Variants in GPHN observed in about 807,000 individuals in gnomAD.
GPHN encodes the protein gephyrin.
Under a neutral mutation model 95.5 loss-of-function variants are expected in GPHN, and 17 were observed. The ratio of observed to expected loss-of-function variants is 0.18; its 90% CI spans 0.12 to 0.27. The LOEUF (loss-of-function observed/expected upper bound fraction) is 0.27, where lower values mean the gene tolerates loss of function less well. GPHN is among the 10% of genes least tolerant of loss of function. The pLI is 1.00. For missense variants in GPHN, 660 were observed against 978.1 expected (o/e 0.67, Z 4.34); for synonymous variants, 320 against 322.5 (o/e 0.99, Z 0.08).
At chr14:67,486,348 C>T in the GPHN span, among the ~76,000 whole-genome samples, 1 of 152,240 alleles carries the variant, frequency 6.6e-6, no homozygotes, top group Non-Finnish European at 1.5e-5. Context: ...GATCTTGGCT[C>T]ACTGCAACCT....
chr14:67,073,574 A>G (rs1567294366), intron 11 of GPHN, among the ~76,000 whole-genome samples: 2 of 152,168 alleles, frequency 1.3e-5, no homozygotes, highest in African/African-American at 4.8e-5. Context: ...TATATGTAAC[A>G]CAGATGGAAG....
At chr14:67,631,652 T>C in the GPHN span, among the ~76,000 whole-genome samples, 1 of 152,038 alleles carries the variant, frequency 6.6e-6, no homozygotes, top group Non-Finnish European at 1.5e-5. Context: ...GGCTGGTGTT[T>C]AACTCCTGGC....
intron 5 of GPHN, among the ~76,000 whole-genome samples, chr14:66,914,241 G>A (rs2065805737): frequency 6.6e-6 from 1 of 152,092 alleles, no homozygotes; most frequent in Non-Finnish European, 1.5e-5. Flanking sequence ...GACATAAAAA[G>A]CCTGGATTTG....
intron 2 of GPHN, among the ~76,000 whole-genome samples, chr14:66,730,487 TA>T (rs1189611892): frequency 1.3e-5 from 2 of 152,332 alleles, no homozygotes; most frequent in Admixed American, 6.5e-5. Flanking sequence ...AAAGTTCTCA[TA>T]TTTTTTTTAC....
At chr14:66,820,313 A>G (rs982357491) in intron 3 of GPHN, among the ~76,000 whole-genome samples, 9 of 152,204 alleles carry the variant, frequency 5.9e-5, no homozygotes, top group Non-Finnish European at 1.2e-4. Context: ...CCCAGACTGT[A>G]TCAGATCTGG....
At chr14:66,975,076 T>C (rs555920572) in intron 9 of GPHN, among the ~76,000 whole-genome samples, 9 of 152,326 alleles carry the variant, frequency 5.9e-5, no homozygotes, top group Non-Finnish European at 1.3e-4. Context: ...GCTTACTTAG[T>C]AATATGAGCA....
At chr14:67,395,561 T>C in the GPHN span, 1 of 1,614,108 alleles carries the variant, frequency 6.2e-7, no homozygotes, top group South Asian at 1.1e-5. Context: ...CGTGGATGTT[T>C]GAGTCTTCAG....
At chr14:66,715,318 G>C (rs1177051732) in intron 2 of GPHN, among the ~76,000 whole-genome samples, 1 of 152,090 alleles carries the variant, frequency 6.6e-6, no homozygotes, top group Non-Finnish European at 1.5e-5. Context: ...GGTGTCAGTT[G>C]TAGTATCTCC....
chr14:67,196,281 G>A, the GPHN span, among the ~76,000 whole-genome samples: 1 of 150,668 alleles, frequency 6.6e-6, no homozygotes, highest in Non-Finnish European at 1.5e-5. Flanking sequence ...CATTGGCACA[G>A]TCTTGGCTCA....
chr14:67,362,842 G>A, the GPHN span, among the ~76,000 whole-genome samples: 1 of 152,046 alleles, frequency 6.6e-6, no homozygotes, highest in Non-Finnish European at 1.5e-5. Flanking sequence ...GATTCTTTTT[G>A]TACTTAACTA....
the GPHN span, among the ~76,000 whole-genome samples, chr14:67,489,476 C>T: frequency 2.6e-5 from 4 of 152,334 alleles, no homozygotes; most frequent in East Asian, 1.9e-4. Context: ...ATGCCTGAGA[C>T]GCTGCTGGGA....
chr14:67,664,516 A>C, the GPHN span, among the ~76,000 whole-genome samples: 1 of 145,328 alleles, frequency 6.9e-6, no homozygotes, highest in Admixed American at 6.9e-5. Flanking sequence ...TTTTTTCTTG[A>C]GACAGAGTCT....
At chr14:67,161,666 C>T (rs1028453714) in intron 19 of GPHN, among the ~76,000 whole-genome samples, 1 of 151,772 alleles carries the variant, frequency 6.6e-6, no homozygotes, top group Non-Finnish European at 1.5e-5. Flanking sequence ...GAGGCTAAGG[C>T]GAGAGGATCA....
chr14:66,899,720 T>C (rs996209001), intron 5 of GPHN, among the ~76,000 whole-genome samples: 4 of 151,882 alleles, frequency 2.6e-5, no homozygotes, highest in Non-Finnish European at 5.9e-5. Flanking sequence ...TACTGGTCTA[T>C]ATTTTTCTTT....
At chr14:66,940,953 G>C (rs1314141145) in intron 8 of GPHN, among the ~76,000 whole-genome samples, 7 of 152,174 alleles carry the variant, frequency 4.6e-5, no homozygotes, top group African/African-American at 1.7e-4. Context: ...TGGGTGCATG[G>C]TGCTTGGCTT....
At chr14:67,488,612 C>T in the GPHN span, 1 of 152,364 alleles carries the variant, frequency 6.6e-6, no homozygotes, top group African/African-American at 2.4e-5. Context: ...CTCTGGGACT[C>T]TCTCTCCACC....
the GPHN span, among the ~76,000 whole-genome samples, chr14:67,464,354 G>A: frequency 6.6e-6 from 1 of 152,032 alleles, no homozygotes; most frequent in East Asian, 1.9e-4. Context: ...TCCTGGAAGG[G>A]GCTGGGTGAG....
chr14:66,999,668 C>T (rs1404245729), intron 9 of GPHN, among the ~76,000 whole-genome samples: 1 of 151,584 alleles, frequency 6.6e-6, no homozygotes, highest in Non-Finnish European at 1.5e-5. Flanking sequence ...AAAAAAAGAA[C>T]TCATCTTTCA....
At chr14:67,348,958 A>T in the GPHN span, 133 of 1,334,088 alleles carry the variant, frequency 1.0e-4, 1 homozygote, top group South Asian at 1.6e-3. Flanking sequence ...GGACATTAAG[A>T]TCTTGCTGTA....
Sources: allele counts gnomAD v4.1 joint callset (sites outside exome capture counted in the v4.1 genomes callset), GRCh38; gene constraint gnomAD v4.1.1; transcripts MANE v1.5; gene names NCBI Gene and HGNC (gene_info 2026-07-23, HGNC 2026-07-21).